PLCB1: variants seen among roughly 807,000 people sequenced by gnomAD.
PLCB1 encodes the protein phospholipase C beta 1, also known as 1-phosphatidylinositol 4,5-bisphosphate phosphodiesterase beta-1.
In PLCB1, 46 loss-of-function variants were observed where a neutral mutation model predicts 161.8. The ratio of observed to expected loss-of-function variants is 0.28; its 90% confidence interval spans 0.22 to 0.36. The LOEUF is 0.36. PLCB1 is among the 10% of genes least tolerant of loss of function. The pLI is 1.00. For missense variants in PLCB1, 1,016 were observed against 1,472.5 expected (o/e 0.69, Z 5.07); for synonymous variants, 517 against 503.7 (o/e 1.03, Z -0.35).
chr20:8,407,251 T>C (rs1357859831), intron 3 of PLCB1, among the ~76,000 whole-genome samples: 2 of 152,074 alleles, frequency 1.3e-5, no homozygotes, highest in East Asian at 3.9e-4. Context: ...CTTGATAGGC[T>C]GGAAAAAAAC....
chr20:8,543,407 C>A (rs1985409704), intron 3 of PLCB1, among the ~76,000 whole-genome samples: 1 of 151,942 alleles, frequency 6.6e-6, no homozygotes, highest in Non-Finnish European at 1.5e-5. Context: ...GTAGCACAGC[C>A]TTAAATGTTA....
At chr20:8,396,937 T>C (rs922288571) in intron 3 of PLCB1, among the ~76,000 whole-genome samples, 1 of 152,058 alleles carries the variant, frequency 6.6e-6, no homozygotes, top group Non-Finnish European at 1.5e-5. Flanking sequence ...TTCTGTTTTA[T>C]TTTTGCTATT....
intron 2 of PLCB1, among the ~76,000 whole-genome samples, chr20:8,207,100 TAAG>T (rs1266273405): frequency 1.1e-5 from 1 of 94,960 alleles, no homozygotes; most frequent in Non-Finnish European, 2.3e-5. Flanking sequence ...GTGTTGGTAT[TAAG>T]GATGAGTTAT....
intron 11 of PLCB1, among the ~76,000 whole-genome samples, chr20:8,702,851 G>A (rs763983966): frequency 1.3e-5 from 2 of 152,144 alleles, no homozygotes; most frequent in African/African-American, 2.4e-5. Flanking sequence ...TATTTCAAAG[G>A]CACAAAAGCA....
At chr20:8,775,575 A>T (rs955422608) in intron 27 of PLCB1, among the ~76,000 whole-genome samples, 4 of 152,208 alleles carry the variant, frequency 2.6e-5, no homozygotes, top group African/African-American at 9.7e-5. Flanking sequence ...TGATTTAGCC[A>T]TCACTGTATA....
chr20:8,334,407 C>A (rs143260493), intron 2 of PLCB1, among the ~76,000 whole-genome samples: 3 of 152,130 alleles, frequency 2.0e-5, no homozygotes, highest in African/African-American at 7.2e-5. Flanking sequence ...ACTATAATCA[C>A]TAGCAAATAA....
At chr20:8,709,642 T>C (rs1266987547) in intron 12 of PLCB1, among the ~76,000 whole-genome samples, 1 of 152,252 alleles carries the variant, frequency 6.6e-6, no homozygotes, top group Non-Finnish European at 1.5e-5. Flanking sequence ...AAGAGTTCAC[T>C]AGATCTTAAA....
In PLCB1 at chr20:8,543,160, G is replaced by T. The variant is rs954849666; in HGVS notation, c.247-85134G>T. Among the ~76,000 whole-genome samples, 5 of 152,192 alleles carry T rather than the reference G, an allele frequency of 3.3e-5. No homozygotes were observed. In the East Asian group the frequency reaches 9.7e-4, roughly 29 times the overall value. ...ATCCTTTAAACAACATCCTCCTGGA[G>T]TTTCATATGCATTTTCAAGTTGAGA... On this transcript the variant is annotated intron_variant, in intron 3 of 31. Transcript: ENST00000338037.
chr20:8,607,246 C>T (rs1310971538), intron 3 of PLCB1, among the ~76,000 whole-genome samples: 4 of 152,186 alleles, frequency 2.6e-5, no homozygotes, highest in African/African-American at 9.7e-5. Flanking sequence ...ATGAAATAGA[C>T]TCAGTTGAAA....
chr20:8,868,432 A>G (rs1251277889), intron 31 of PLCB1, among the ~76,000 whole-genome samples: 2 of 152,192 alleles, frequency 1.3e-5, no homozygotes, highest in Non-Finnish European at 2.9e-5. Context: ...GTAAAAGACA[A>G]TTCCCGATTA....
At chr20:8,700,044 A>G (rs1283866095) in intron 11 of PLCB1, among the ~76,000 whole-genome samples, 1 of 152,194 alleles carries the variant, frequency 6.6e-6, no homozygotes, top group East Asian at 1.9e-4. Context: ...ACTACCTAAG[A>G]TGCAGTCTAA....
intron 3 of PLCB1, among the ~76,000 whole-genome samples, chr20:8,495,633 G>A (rs748234816): frequency 8.7e-5 from 13 of 149,158 alleles, no homozygotes; most frequent in Admixed American, 1.3e-4. Context: ...TCCTGACCTC[G>A]TGATCCGCCT....
chr20:8,255,770 G>T (rs1276053283), intron 2 of PLCB1, among the ~76,000 whole-genome samples: 1 of 151,850 alleles, frequency 6.6e-6, no homozygotes, highest in Non-Finnish European at 1.5e-5. Context: ...TTAATAAATT[G>T]TCGATATTCA....
At chr20:8,180,940 T>A (rs1462188166) in intron 2 of PLCB1, among the ~76,000 whole-genome samples, 1 of 23,014 alleles carries the variant, frequency 4.3e-5, no homozygotes, top group Non-Finnish European at 7.5e-5. Context: ...AATGTAAAAG[T>A]GTGTGTGTGT....
intron 31 of PLCB1, among the ~76,000 whole-genome samples, chr20:8,805,001 C>A (rs1375134667): frequency 5.6e-4 from 51 of 90,986 alleles, no homozygotes; most frequent in South Asian, 4.1e-3. Flanking sequence ...AACTCCATCT[C>A]AAAAAAAAAA....
chr20:8,278,235 T>A (rs916179944), intron 2 of PLCB1, among the ~76,000 whole-genome samples: 13 of 146,776 alleles, frequency 8.9e-5, no homozygotes, highest in African/African-American at 3.2e-4. Context: ...ACTGTTTTTT[T>A]GTGTGAACAA....
At chr20:8,651,397 C>T (rs1314781903) in intron 7 of PLCB1, 6 of 715,836 alleles carry the variant, frequency 8.4e-6, no homozygotes. Context: ...TCTTCACTAT[C>T]ACCTTTCTTC....
chr20:8,679,750 C>T (rs1600245728), intron 9 of PLCB1, among the ~76,000 whole-genome samples: 1 of 152,142 alleles, frequency 6.6e-6, no homozygotes, highest in South Asian at 2.1e-4. Flanking sequence ...TGTCCAATGG[C>T]ATACTGATTT....
chr20:8,233,139 G>A (rs6055685), intron 2 of PLCB1, among the ~76,000 whole-genome samples: 49,902 of 152,006 alleles, frequency 0.33, 12,110 homozygotes, highest in African/African-American at 0.69. Flanking sequence ...TCACAAAACC[G>A]TGAAGCTTTG....
Sources: allele counts gnomAD v4.1 joint callset (sites outside exome capture counted in the v4.1 genomes callset), GRCh38; gene constraint gnomAD v4.1.1; transcripts MANE v1.5; gene names NCBI Gene and HGNC (gene_info 2026-07-23, HGNC 2026-07-21).